IMMP2L: variants seen among roughly 807,000 people sequenced by gnomAD.
IMMP2L encodes the protein inner mitochondrial membrane peptidase subunit 2.
In IMMP2L, 18 loss-of-function variants were observed where a neutral mutation model predicts 19.3. That is an observed-to-expected ratio of 0.93 (90% CI 0.64 to 1.38). IMMP2L has a LOEUF of 1.38. Among genes scored for constraint, IMMP2L ranks in the 40% most tolerant of loss-of-function variants. The pLI is 0.00. For missense variants in IMMP2L, 233 were observed against 218.2 expected, an observed-to-expected ratio of 1.07 and a Z score of -0.43; for synonymous variants, 76 against 73.0, an observed-to-expected ratio of 1.04 and a Z score of -0.21.
In IMMP2L at chr7:110,951,276, T is replaced by C. The variant is rs146989838; in HGVS notation, c.305+12224A>G. On this transcript the variant is annotated intron_variant, in intron 4 of 5. Coordinates refer to ENST00000405709, the MANE Select transcript of IMMP2L (RefSeq NM_032549.4). ...AAGAGGGTAGATCTCATATAAAGTA[T>C]TGAAATCACAATAAAAAAATTAAAT... is the stretch of plus-strand genomic sequence containing the variant. 5.0e-3 allele frequency among the ~76,000 whole-genome samples: 756 copies of C among 150,792 alleles called. 12 individuals are homozygous for C. The highest frequency in any genetic ancestry group is 0.018 in the African/African-American group (729 of 40,904).
rs951241991 is a variant in IMMP2L at position 111,392,980 on chromosome 7, G to A, written c.239+94258C>T. The A allele has an allele frequency of 4.2e-5, 16 of 379,436 alleles. No individual in the cohort carries two copies. The Admixed American group carries it at 4.7e-4, about 11-fold the overall frequency. The allele number at this position is 379,436 out of a possible 1,614,324, so 23.5% of individuals were successfully genotyped here. On this transcript the variant is annotated intron_variant, in intron 3 of 5. Transcript: ENST00000405709. ...AAGTCTCAGAACCCAAGCATTTAGG[G>A]GTTTTTGTGGAGGCTGCATTACATA... is the stretch of plus-strand genomic sequence containing the variant.
In IMMP2L at chr7:111,414,822, A is replaced by T. The variant is rs535656026; in HGVS notation, c.239+72416T>A. Among the ~76,000 whole-genome samples, 102 of 151,924 alleles carry T rather than the reference A, an allele frequency of 6.7e-4. 2 individuals carry two copies. In the South Asian group the frequency reaches 0.02, roughly 30 times the overall value. On this transcript the variant is annotated intron_variant, in intron 3 of 5. Coordinates refer to ENST00000405709, the MANE Select transcript of IMMP2L (RefSeq NM_032549.4). ...CTGCACTAAAAAATACAGTCTATTA[A>T]TTTTTAAAAAAACACATTTTCAAAT...
chr7:110,948,580 G>A (rs1277906352), intron 4 of IMMP2L, among the ~76,000 whole-genome samples: 1 of 152,116 alleles, frequency 6.6e-6, no homozygotes, highest in Admixed American at 6.6e-5. Flanking sequence ...TTCCTTTTGT[G>A]TTAAGAAGAA....
intron 5 of IMMP2L, among the ~76,000 whole-genome samples, chr7:110,814,700 G>GATATATATATAT (rs143894798): frequency 8.3e-5 from 12 of 143,976 alleles, no homozygotes; most frequent in African/African-American, 3.0e-4. Context: ...GTCAAGTACA[G>GATATATATATAT]ATATATATAT....
chr7:111,208,613 G>A (rs1246931173), intron 3 of IMMP2L, among the ~76,000 whole-genome samples: 2 of 152,116 alleles, frequency 1.3e-5, no homozygotes, highest in Admixed American at 6.5e-5. Context: ...GGTACCAAAG[G>A]AAGAGTTATA....
chr7:111,321,251 T>C (rs74411353), intron 3 of IMMP2L, among the ~76,000 whole-genome samples: 72 of 152,074 alleles, frequency 4.7e-4, no homozygotes, highest in Non-Finnish European at 8.8e-4. Flanking sequence ...ACAGTGAGAA[T>C]GTAAGTCAAC....
intron 3 of IMMP2L, among the ~76,000 whole-genome samples, chr7:111,060,644 T>C (rs1486872465): frequency 6.6e-6 from 1 of 152,222 alleles, no homozygotes; most frequent in Non-Finnish European, 1.5e-5. Context: ...AAGATGGAGA[T>C]AATTCAGTAT....
At chr7:110,953,279 C>T (rs2129554413) in intron 4 of IMMP2L, among the ~76,000 whole-genome samples, 1 of 152,108 alleles carries the variant, frequency 6.6e-6, no homozygotes, top group Non-Finnish European at 1.5e-5. Context: ...AGCCCATCAC[C>T]TACATTAGTT....
intron 3 of IMMP2L, among the ~76,000 whole-genome samples, chr7:111,349,491 C>A (rs1403967087): frequency 6.6e-6 from 1 of 152,120 alleles, no homozygotes; most frequent in Admixed American, 6.6e-5. Context: ...CATCAGGTGC[C>A]TTTCTCTTTA....
chr7:110,718,137 G>C (rs1795345005), intron 5 of IMMP2L, among the ~76,000 whole-genome samples: 1 of 152,154 alleles, frequency 6.6e-6, no homozygotes, highest in South Asian at 2.1e-4. Context: ...TAAATGAAGA[G>C]ATGATGATAA....
chr7:111,512,002 A>C (rs907445668), intron 2 of IMMP2L, among the ~76,000 whole-genome samples: 7 of 152,302 alleles, frequency 4.6e-5, no homozygotes, highest in Admixed American at 3.9e-4. Context: ...ACATAAATGT[A>C]CCATGCCACT....
Position 111,515,879 on chromosome 7 carries a change from C to T in IMMP2L, c.135+5434G>A, listed in dbSNP as rs1405971388. On this transcript the variant is annotated intron_variant, in intron 2 of 5. Transcript: ENST00000405709. Reference sequence around the variant, plus strand: ...ACAGAATCATACCAAAATTAAATAACTTACTAAGTACATCATTCCATAAAC... The same window carrying T: ...ACAGAATCATACCAAAATTAAATAATTTACTAAGTACATCATTCCATAAAC... Among the ~76,000 whole-genome samples, 5 of 152,148 alleles carry T rather than the reference C, an allele frequency of 3.3e-5. No individual in the cohort carries two copies. The East Asian group carries it at 9.7e-4, about 29-fold the overall frequency.
chr7:110,797,808 G>A (rs1800959718), intron 5 of IMMP2L, among the ~76,000 whole-genome samples: 2 of 151,946 alleles, frequency 1.3e-5, no homozygotes, highest in African/African-American at 4.8e-5. Context: ...CTAACAGAAA[G>A]AAAACACATG....
intron 2 of IMMP2L, among the ~76,000 whole-genome samples, chr7:111,508,061 A>T (rs1845100377): frequency 6.6e-6 from 1 of 151,044 alleles, no homozygotes; most frequent in Non-Finnish European, 1.5e-5. Flanking sequence ...TTACCATAAA[A>T]ATCTACACAT....
chr7:111,092,861 T>G (rs1797008836), intron 3 of IMMP2L, among the ~76,000 whole-genome samples: 2 of 152,176 alleles, frequency 1.3e-5, no homozygotes, highest in African/African-American at 4.8e-5. Context: ...TCTGGAGCTC[T>G]CTCCTGCCTT....
chr7:111,121,200 GTTGT>G (rs1486185705), intron 3 of IMMP2L, among the ~76,000 whole-genome samples: 38 of 152,142 alleles, frequency 2.5e-4, no homozygotes, highest in African/African-American at 8.9e-4. Flanking sequence ...TTTTGATGGG[GTTGT>G]TTGTTTTTTT....
intron 3 of IMMP2L, among the ~76,000 whole-genome samples, chr7:111,209,526 C>G (rs1246879247): frequency 6.6e-6 from 1 of 151,726 alleles, no homozygotes; most frequent in East Asian, 1.9e-4. Context: ...TACAGTATTT[C>G]TCTAGCCTAA....
At chr7:110,814,452 A>G (rs552031705) in intron 5 of IMMP2L, among the ~76,000 whole-genome samples, 1 of 151,226 alleles carries the variant, frequency 6.6e-6, no homozygotes, top group South Asian at 2.1e-4. Flanking sequence ...CTATATAGTA[A>G]AAAAGCATTA....
chr7:110,984,101 T>C (rs1320984811), intron 3 of IMMP2L, among the ~76,000 whole-genome samples: 3 of 151,994 alleles, frequency 2.0e-5, no homozygotes. Flanking sequence ...TATGATTTAA[T>C]CTCTTACTGT....
Sources: gnomAD v4.1 joint callset for allele counts (sites outside exome capture counted in the v4.1 genomes callset) on GRCh38, gnomAD v4.1.1 for gene constraint, MANE v1.5 for transcripts, NCBI Gene and HGNC (gene_info 2026-07-23, HGNC 2026-07-21) for gene names.